CHRM3: variants seen among roughly 807,000 people sequenced by gnomAD.
The protein encoded by CHRM3 is muscarinic acetylcholine receptor M3.
Under a neutral mutation model 41.8 loss-of-function variants are expected in CHRM3, and 11 were observed. The observed-to-expected ratio is 0.26, with a 90% CI of 0.17 to 0.44. The LOEUF is 0.44. Among genes scored for constraint, CHRM3 ranks in the 20% least tolerant of loss-of-function variants. The pLI, the probability that CHRM3 is intolerant of heterozygous loss-of-function variation, is 1.00. For synonymous variants in CHRM3, 297 were observed against 301.4 expected (o/e 0.99, Z 0.15); for missense variants, 571 against 745.4 (o/e 0.77, Z 2.72).
intron 5 of CHRM3, among the ~76,000 whole-genome samples, chr1:239,687,209 A>C (rs1240116060): frequency 6.6e-6 from 1 of 152,086 alleles, no homozygotes; most frequent in Admixed American, 6.6e-5. Context: ...ATCCATTTTT[A>C]CTAAGAATAT....
At chr1:239,430,999 A>G (rs950378867) in intron 1 of CHRM3, among the ~76,000 whole-genome samples, 4 of 152,166 alleles carry the variant, frequency 2.6e-5, no homozygotes, top group African/African-American at 9.7e-5. Flanking sequence ...TTTAATCAAT[A>G]TTGGAGTTTC....
chr1:239,524,931 T>C (rs972303788), intron 2 of CHRM3, among the ~76,000 whole-genome samples: 1 of 152,192 alleles, frequency 6.6e-6, no homozygotes. Context: ...TTTTGTAAAG[T>C]ATTAATAAAG....
rs1417966052 is a variant in CHRM3 at position 239,827,380 on chromosome 1, T to C, written c.-20+2T>C. 2 of 152,224 alleles carry C rather than the reference T, an allele frequency of 1.3e-5. No individual in the cohort carries two copies. The highest frequency in any genetic ancestry group is 2.9e-5 in the Non-Finnish European group (2 of 68,040). 9.4% of individuals were successfully genotyped at this position (152,224 alleles called of 1,614,324 possible). The stretch of plus-strand genomic sequence containing the variant: ...ACATAACTCAGTTCCTGGTAGATTG[T>C]AAGTACACAGAAGGCATTTTTTTAA... On this transcript the variant is annotated splice_donor_variant, in intron 6 of 6. Coordinates refer to ENST00000676153, the MANE Select transcript of CHRM3 (RefSeq NM_001375978.1). LOFTEE classifies it low-confidence loss of function (5UTR_SPLICE).
At chr1:239,662,893 C>CTCTTCTTCTTCTTCT (rs67465048) in intron 4 of CHRM3, among the ~76,000 whole-genome samples, 927 of 46,398 alleles carry the variant, frequency 0.02, 52 homozygotes, top group African/African-American at 0.065. Context: ...CTTCCTCCTC[C>CTCTTCTTCTTCTTCT]TCTTCTTCTT....
chr1:239,404,703 T>C (rs917195675), intron 1 of CHRM3, among the ~76,000 whole-genome samples: 1 of 118,912 alleles, frequency 8.4e-6, no homozygotes, highest in African/African-American at 3.4e-5. Context: ...CCATTAAATG[T>C]ATCATGCTAT....
At chr1:239,631,353 G>A (rs2148869420) in intron 3 of CHRM3, among the ~76,000 whole-genome samples, 1 of 152,106 alleles carries the variant, frequency 6.6e-6, no homozygotes, top group African/African-American at 2.4e-5. Context: ...GCACCTCTAG[G>A]ATCCTTCTAC....
At chr1:239,538,178 C>G (rs180693061) in intron 2 of CHRM3, among the ~76,000 whole-genome samples, 168 of 152,268 alleles carry the variant, frequency 1.1e-3, no homozygotes, top group Non-Finnish European at 1.7e-3. Flanking sequence ...GCAGCTTAGC[C>G]TTTTGGGAAG....
chr1:239,717,901 A>G (rs1662549250), intron 5 of CHRM3, among the ~76,000 whole-genome samples: 1 of 152,046 alleles, frequency 6.6e-6, no homozygotes, highest in Non-Finnish European at 1.5e-5. Flanking sequence ...ATGTCAGTTT[A>G]TAGAGAGTGG....
intron 6 of CHRM3, among the ~76,000 whole-genome samples, chr1:239,882,138 A>G (rs894236666): frequency 7.2e-5 from 11 of 151,788 alleles, no homozygotes; most frequent in Admixed American, 7.2e-4. Context: ...GAACTCCTGA[A>G]CTCAGGTGGT....
chr1:239,474,861 T>A (rs1321635737), intron 1 of CHRM3, among the ~76,000 whole-genome samples: 3 of 152,108 alleles, frequency 2.0e-5, no homozygotes, highest in Admixed American at 6.6e-5. Context: ...TCACTTTTTT[T>A]AAAATCATGA....
At chr1:239,470,293 T>C (rs953210419) in intron 1 of CHRM3, among the ~76,000 whole-genome samples, 2 of 151,984 alleles carry the variant, frequency 1.3e-5, no homozygotes, top group Admixed American at 6.6e-5. Context: ...TAGAACCAAC[T>C]CTCCCTGAGA....
chr1:239,902,968 G>T (rs12036923), intron 6 of CHRM3, among the ~76,000 whole-genome samples: 6 of 152,104 alleles, frequency 3.9e-5, no homozygotes, highest in African/African-American at 9.6e-5. Flanking sequence ...TTTCAGAAAC[G>T]TATTAGATAT....
chr1:239,609,789 A>G (rs1013983584), intron 3 of CHRM3, among the ~76,000 whole-genome samples: 29 of 152,046 alleles, frequency 1.9e-4, no homozygotes, highest in Admixed American at 5.9e-4. Flanking sequence ...TATGTTCTTT[A>G]TTGAAGTGGC....
chr1:239,501,984 A>G (rs1668271513), intron 2 of CHRM3, among the ~76,000 whole-genome samples: 1 of 152,192 alleles, frequency 6.6e-6, no homozygotes, highest in African/African-American at 2.4e-5. Context: ...CTGACAGAGC[A>G]TGAACTGACA....
At chr1:239,628,814 GGGGGTCA>G (rs1248361566) in intron 3 of CHRM3, among the ~76,000 whole-genome samples, 1 of 55,794 alleles carries the variant, frequency 1.8e-5, no homozygotes, top group Non-Finnish European at 3.4e-5. Context: ...TAGGCTGCTC[GGGGGTCA>G]GGGGTCAGGG....
At chr1:239,598,110 C>G (rs1665022970) in intron 3 of CHRM3, among the ~76,000 whole-genome samples, 1 of 152,110 alleles carries the variant, frequency 6.6e-6, no homozygotes, top group African/African-American at 2.4e-5. Flanking sequence ...CTAGGACGCA[C>G]AGCTCACAAA....
intron 3 of CHRM3, among the ~76,000 whole-genome samples, chr1:239,568,446 C>G (rs1661557781): frequency 2.0e-5 from 3 of 152,098 alleles, no homozygotes; most frequent in Admixed American, 1.3e-4. Context: ...CACCTTCCAC[C>G]ATGACTGTGA....
chr1:239,493,721 T>G (rs1188270266), intron 2 of CHRM3, among the ~76,000 whole-genome samples: 1 of 152,196 alleles, frequency 6.6e-6, no homozygotes, highest in Non-Finnish European at 1.5e-5. Flanking sequence ...CCCTAGGCAT[T>G]ACTGATGCTC....
intron 6 of CHRM3, among the ~76,000 whole-genome samples, chr1:239,872,911 G>T (rs1291422451): frequency 6.6e-6 from 1 of 152,016 alleles, no homozygotes; most frequent in African/African-American, 2.4e-5. Context: ...CAGCTGAAAA[G>T]TTTGGCAGAA....
Sources: allele counts gnomAD v4.1 joint callset (sites outside exome capture counted in the v4.1 genomes callset), GRCh38; gene constraint gnomAD v4.1.1; transcripts MANE v1.5; gene names NCBI Gene and HGNC (gene_info 2026-07-23, HGNC 2026-07-21).